SP7: variants seen among roughly 807,000 people sequenced by gnomAD.
SP7 encodes Sp7 transcription factor.
In SP7, 13 loss-of-function variants were observed where a neutral mutation model predicts 27.9. The observed-to-expected ratio is 0.47, with a 90% CI of 0.30 to 0.74. SP7 has a LOEUF of 0.74. Ranked by LOEUF, SP7 falls within the 30% of genes least tolerant of loss-of-function variation. The pLI is 0.06. For missense variants in SP7, 525 were observed against 558.0 expected, an observed-to-expected ratio of 0.94 and a Z score of 0.60; for synonymous variants, 219 against 226.7, an observed-to-expected ratio of 0.97 and a Z score of 0.31.
At chr12:53,332,920 G>T (rs191256440) in intron 2 of SP7, among the ~76,000 whole-genome samples, 1 of 152,026 alleles carries the variant, frequency 6.6e-6, no homozygotes, top group Admixed American at 6.6e-5. Context: ...TAAAAACGCC[G>T]ACGCCGTCCC....
chr12:53,333,154 G>A (rs1006921724), intron 2 of SP7, among the ~76,000 whole-genome samples: 7 of 152,198 alleles, frequency 4.6e-5, no homozygotes, highest in African/African-American at 1.7e-4. Flanking sequence ...TGAGCACGTG[G>A]CTAAGTTTCA....
In SP7 at chr12:53,343,141, C is replaced by T. The variant is rs937002869; in HGVS notation, c.-34+1973G>A. On this transcript the variant is annotated intron_variant, in intron 1 of 1. Transcript: ENST00000547755. ...CGAAACCCCATCTCTACAAAAAATA[C>T]AAAAAAAAAAAAACATAGTCTGGGT... Among the ~76,000 whole-genome samples the T allele has an allele frequency of 1.5e-4, 9 of 58,716 alleles. 1 individual carries two copies. Among genetic ancestry groups the T allele is most frequent in the African/African-American group, 5.9e-4 (9 of 15,138 alleles). The allele number at this position is 58,716 out of a possible 152,430, so 38.5% of individuals were successfully genotyped here.
chr12:53,339,554 G>A (rs568452475), upstream of SP7, among the ~76,000 whole-genome samples: 114 of 151,958 alleles, frequency 7.5e-4, no homozygotes, highest in Non-Finnish European at 1.1e-3. Flanking sequence ...GTGAAACCCC[G>A]TCTCTACTAA....
In SP7 at chr12:53,329,389, G is replaced by T. The variant is rs1278285575; in HGVS notation, c.53C>A (p.Ala18Asp). 6.2e-7 allele frequency: 1 copy of T among 1,614,032 alleles called. No homozygotes were observed. ...EEVHYGSSPLAMLTAACSKFG... is the reference protein window; with the variant it reads ...EEVHYGSSPLDMLTAACSKFG... ...TTTGCTGCACGCTGCCGTCAGCATG[G>T]CCAGGGGACTGGAGCCATAGTGAAC... Residue 18 changes from alanine to aspartate, a missense_variant, in exon 3 of 3, where the codon GCC becomes GAC. Ala to Asp is a moderately radical substitution (Grantham distance 126). Coordinates refer to ENST00000536324, the MANE Select transcript of SP7 (RefSeq NM_001173467.3).
intron 1 of SP7, 106 bp downstream of exon 1, chr12:53,336,040 C>A: frequency 4.1e-6 from 1 of 241,698 alleles, no homozygotes; most frequent in South Asian, 7.3e-5. Context: ...CGGGGGGCTG[C>A]TGAGGGGAGA....
chr12:53,336,099 A>T (rs1241229430), intron 1 of SP7, 47 bp downstream of exon 1: 1 of 181,370 alleles, frequency 5.5e-6, no homozygotes, highest in Non-Finnish European at 1.2e-5. Context: ...CAGCAGTCCC[A>T]TAGGCATCTG....
At chr12:53,337,199 T>C (rs1944780840), upstream of SP7, among the ~76,000 whole-genome samples, 1 of 152,240 alleles carries the variant, frequency 6.6e-6, no homozygotes, top group East Asian at 1.9e-4. Context: ...CTCCATCCTT[T>C]GGTGGACAGT....
intron 1 of SP7, 34 bp from the exon 2 acceptor site, chr12:53,335,727 A>C: frequency 1.6e-6 from 2 of 1,264,028 alleles, no homozygotes; most frequent in Non-Finnish European, 2.1e-6. Context: ...AGAGAGAGAA[A>C]AGGGAGAGGG....
chr12:53,336,726 CCCTGTGTGTGTGTACGTGCCCGTG>C (rs1944775828), upstream of SP7, among the ~76,000 whole-genome samples: 1 of 151,788 alleles, frequency 6.6e-6, no homozygotes, highest in Non-Finnish European at 1.5e-5. Context: ...GTGTATGTGC[CCCTGTGTGTGTGTACGTGCCCGTG>C]TGTGTGTGTG....
At chr12:53,333,589 C>G in intron 2 of SP7, among the ~76,000 whole-genome samples, 1 of 152,190 alleles carries the variant, frequency 6.6e-6, no homozygotes, top group East Asian at 1.9e-4. Context: ...TCTCAACTTT[C>G]TCAGCCTTCT....
intron 1 of SP7, among the ~76,000 whole-genome samples, chr12:53,342,918 TG>T (rs1230723593): frequency 5.3e-5 from 8 of 151,248 alleles, no homozygotes; most frequent in South Asian, 2.1e-4. Context: ...AAGCCAGTGT[TG>T]GGGGGGAATT....
intron 2 of SP7, among the ~76,000 whole-genome samples, chr12:53,335,105 C>G (rs1026285134): frequency 3.9e-5 from 6 of 152,138 alleles, no homozygotes; most frequent in Admixed American, 1.3e-4. Context: ...CTCCACACAC[C>G]AGCTCACGGG....
In SP7 at chr12:53,328,462, T is replaced by C. The variant is rs1944660742; in HGVS notation, c.980A>G (p.Asn327Ser). ...WHTGERPFVC[N>S]WLFCGKRFTR... Reference sequence around the variant, plus strand: ...GAACCTCTTGCCGCAGAAGAGCCAGTTGCAGACGAAGGGCCTCTCGCCTGT... The same window carrying C: ...GAACCTCTTGCCGCAGAAGAGCCAGCTGCAGACGAAGGGCCTCTCGCCTGT... The change falls in exon 3 of 3, where the codon AAC becomes AGC. Residue 327 changes from asparagine to serine, a missense_variant. By Grantham distance (46) the Asn-to-Ser change is conservative. Coordinates refer to ENST00000536324, the MANE Select transcript of SP7 (RefSeq NM_001173467.3). This position sits in a 1 kb window ranked among gnomAD's most constrained non-coding sequence, Gnocchi z 5.1. 1 of 1,613,958 alleles carries C rather than the reference T, an allele frequency of 6.2e-7. No homozygotes were observed. Among genetic ancestry groups the C allele is most frequent in the East Asian group, 2.2e-5 (1 of 44,884 alleles).
intron 1 of SP7, 94 bp downstream of exon 1, chr12:53,336,052 G>T: frequency 4.5e-6 from 1 of 223,012 alleles, no homozygotes; most frequent in Admixed American, 5.1e-5. Context: ...GAGGGGAGAG[G>T]TTAAAGGGAT....
chr12:53,338,695 G>T (rs147778841), upstream of SP7, among the ~76,000 whole-genome samples: 484 of 152,244 alleles, frequency 3.2e-3, no homozygotes, highest in African/African-American at 0.011. Context: ...TATTCTCGGA[G>T]AAATAAAAAG....
intron 1 of SP7, among the ~76,000 whole-genome samples, chr12:53,341,849 AG>A (rs1944825112): frequency 6.6e-6 from 1 of 152,134 alleles, no homozygotes; most frequent in Admixed American, 6.5e-5. Flanking sequence ...TCACGAGGTC[AG>A]GAGATCGAGA....
At chr12:53,339,772 A>C (rs1455512086), upstream of SP7, among the ~76,000 whole-genome samples, 1 of 151,078 alleles carries the variant, frequency 6.6e-6, no homozygotes, top group Non-Finnish European at 1.5e-5. Context: ...AGAGTGGGAG[A>C]CCTGTACCCC....
chr12:53,335,875 C>T lies in SP7; in HGVS notation c.-47-182G>A, dbSNP rs766806764. 27 of 1,335,968 alleles carry T rather than the reference C, an allele frequency of 2.0e-5. No individual in the cohort carries two copies. The South Asian group carries it at 2.3e-4, about 11-fold the overall frequency. The allele number at this position is 1,335,968 out of a possible 1,614,324, so 82.8% of individuals were successfully genotyped here. Reference sequence around the variant, plus strand: ...AAGGCTCCAGATCCAATGAGGAGGGCGAGAGAGGGAGGCAGAGGGTCCAAA... The same window carrying T: ...AAGGCTCCAGATCCAATGAGGAGGGTGAGAGAGGGAGGCAGAGGGTCCAAA... On this transcript the variant is annotated intron_variant, in intron 1 of 2. Transcript: ENST00000536324.
rs1345013600 is a variant in SP7 at position 53,327,976 on chromosome 12, A to G, written c.*170T>C. The G allele has an allele frequency of 2.7e-5, 17 of 626,766 alleles. No homozygotes were observed. The highest frequency in any genetic ancestry group is 4.1e-5 in the Non-Finnish European group (15 of 370,070). 38.8% of individuals were successfully genotyped at this position (626,766 alleles called of 1,614,324 possible). On this transcript the variant is annotated 3_prime_UTR_variant, in exon 3 of 3. Coordinates refer to ENST00000536324, the MANE Select transcript of SP7 (RefSeq NM_001173467.3). ...CATGGTGAAGAGAGAAGGTGAGCTG[A>G]GGAGGCATGCAAGGAGATACCCAAG...
Sources: allele counts gnomAD v4.1 joint callset (sites outside exome capture counted in the v4.1 genomes callset), GRCh38; gene constraint gnomAD v4.1.1; non-coding constraint Gnocchi (gnomAD v3.1); transcripts MANE v1.5; gene names NCBI Gene and HGNC (gene_info 2026-07-23, HGNC 2026-07-21).